Variants in ATF6 observed in about 807,000 individuals in gnomAD.
ATF6 encodes the protein activating transcription factor 6, also known as cyclic AMP-dependent transcription factor ATF-6 alpha.
ATF6 carries 53 observed loss-of-function variants against 83.6 expected under a neutral mutation model. That is an observed-to-expected ratio of 0.63 (90% CI 0.51 to 0.80). ATF6 has a LOEUF of 0.80. Among genes scored for constraint, ATF6 ranks in the 30% least tolerant of loss-of-function variants. The pLI is 0.00. For synonymous variants in ATF6, 288 were observed against 285.8 expected (o/e 1.01, Z -0.08); for missense variants, 744 against 797.9 (o/e 0.93, Z 0.81).
At chr1:161,773,533 T>C (rs1275255174) in intron 1 of ATF6, among the ~76,000 whole-genome samples, 2 of 152,188 alleles carry the variant, frequency 1.3e-5, no homozygotes, top group African/African-American at 4.8e-5. Flanking sequence ...TCCAAAGTGC[T>C]GGGATTACAG....
At chr1:161,846,979 C>T (rs758534713) in intron 10 of ATF6, among the ~76,000 whole-genome samples, 7 of 152,020 alleles carry the variant, frequency 4.6e-5, no homozygotes, top group Non-Finnish European at 8.8e-5. Flanking sequence ...AACCTATTTG[C>T]AGTCATTAGG....
intron 14 of ATF6, among the ~76,000 whole-genome samples, chr1:161,894,263 CTT>C (rs1031767904): frequency 7.1e-6 from 1 of 140,966 alleles, no homozygotes; most frequent in African/African-American, 2.6e-5. Flanking sequence ...GTTTTAAAAA[CTT>C]ATTTTGGAAT....
intron 6 of ATF6, among the ~76,000 whole-genome samples, chr1:161,798,936 G>A (rs1003622178): frequency 6.6e-5 from 10 of 152,182 alleles, no homozygotes; most frequent in Admixed American, 5.2e-4. Context: ...CTATCAAAAA[G>A]TTGAAAAATA....
At chr1:161,896,181 C>T (rs1687673936) in intron 14 of ATF6, among the ~76,000 whole-genome samples, 1 of 152,176 alleles carries the variant, frequency 6.6e-6, no homozygotes, top group Non-Finnish European at 1.5e-5. Context: ...AATCTCGGCT[C>T]ACTGCAACCT....
intron 15 of ATF6, among the ~76,000 whole-genome samples, chr1:161,929,916 G>C (rs868096802): frequency 1.2e-4 from 19 of 152,028 alleles, no homozygotes; most frequent in African/African-American, 4.6e-4. Context: ...CTCTGTAAAG[G>C]GTCAGTATGA....
intron 9 of ATF6, among the ~76,000 whole-genome samples, chr1:161,833,247 C>A (rs1354405090): frequency 1.3e-5 from 2 of 152,096 alleles, no homozygotes; most frequent in Non-Finnish European, 2.9e-5. Flanking sequence ...CACCAAAAAC[C>A]CATCTGTACG....
chr1:161,841,807 A>G (rs1361275358), intron 9 of ATF6, among the ~76,000 whole-genome samples: 1 of 152,206 alleles, frequency 6.6e-6, no homozygotes, highest in African/African-American at 2.4e-5. Context: ...TTGGAAAAAT[A>G]GTGACCACTT....
intron 14 of ATF6, among the ~76,000 whole-genome samples, chr1:161,870,066 C>G (rs747259072): frequency 6.6e-6 from 1 of 150,762 alleles, no homozygotes; most frequent in African/African-American, 2.4e-5. Context: ...TTCTTTATAT[C>G]TGGCACTTTT....
intron 15 of ATF6, among the ~76,000 whole-genome samples, chr1:161,952,633 TTTGTTGAA>T (rs1413242668): frequency 5.0e-4 from 76 of 152,046 alleles, no homozygotes. Context: ...TCACTAAATG[TTTGTTGAA>T]TAAATGAATA....
At chr1:161,786,237 G>A (rs1684746339) in intron 4 of ATF6, among the ~76,000 whole-genome samples, 1 of 152,020 alleles carries the variant, frequency 6.6e-6, no homozygotes, top group South Asian at 2.1e-4. Context: ...CACCTGCCTC[G>A]GCCCCCCAAA....
At chr1:161,795,770 C>A (rs975697514) in intron 6 of ATF6, among the ~76,000 whole-genome samples, 1 of 152,200 alleles carries the variant, frequency 6.6e-6, no homozygotes, top group Non-Finnish European at 1.5e-5. Context: ...CTATGTTCAG[C>A]TGCTATTTAA....
At chr1:161,941,703 G>A (rs1044206350) in intron 15 of ATF6, among the ~76,000 whole-genome samples, 7 of 152,130 alleles carry the variant, frequency 4.6e-5, no homozygotes, top group Admixed American at 4.6e-4. Flanking sequence ...CAAGGATTCC[G>A]GTGAGAAGTA....
rs994728530 is a variant in ATF6, at chr1:161,959,361, G to C, written c.*707G>C. On this transcript the variant is annotated 3_prime_UTR_variant, in exon 16 of 16. Coordinates refer to ENST00000367942, the MANE Select transcript of ATF6 (RefSeq NM_007348.4). ...AAGGGCCAGTGGTGGGGTTTGGAGA[G>C]AGGAGATAGCTCCATTAATACACAT... The C allele has an allele frequency of 6.6e-6, 1 of 152,222 alleles. No homozygotes were observed. Among genetic ancestry groups the C allele is most frequent in the African/African-American group, 2.4e-5 (1 of 41,438 alleles). 9.4% of individuals were successfully genotyped at this position (152,222 alleles called of 1,614,324 possible). A position where few individuals can be genotyped will look rare whatever the true frequency, so the allele number is the denominator to read the frequency against.
intron 14 of ATF6, among the ~76,000 whole-genome samples, chr1:161,885,552 C>T (rs1687402448): frequency 6.6e-6 from 1 of 151,994 alleles, no homozygotes; most frequent in Non-Finnish European, 1.5e-5. Flanking sequence ...CCAGAAGATT[C>T]CTGTTAGATT....
At position 161,885,663 on chromosome 1, in the gene ATF6, C is replaced by T. The variant is rs560711196; in HGVS notation, c.1719+22351C>T. Among the ~76,000 whole-genome samples, 12 of 152,130 alleles carry T rather than the reference C, an allele frequency of 7.9e-5. No homozygotes were observed. In the East Asian group the frequency reaches 1.3e-3, roughly 17 times the overall value. On this transcript the variant is annotated intron_variant, in intron 14 of 15. Coordinates refer to ENST00000367942, the MANE Select transcript of ATF6 (RefSeq NM_007348.4). ...TGAAAGTCCCATCTCTTTTGCTAGT[C>T]GGCTTCTGTCTGATAAAATTTTATT... is the stretch of plus-strand genomic sequence containing the variant.
chr1:161,920,278 T>TTCTC (rs1312606651), intron 15 of ATF6, among the ~76,000 whole-genome samples: 2 of 117,024 alleles, frequency 1.7e-5, no homozygotes, highest in African/African-American at 6.9e-5. Flanking sequence ...ATAGTTCTCT[T>TTCTC]TCTCTCTCTC....
intron 14 of ATF6, among the ~76,000 whole-genome samples, chr1:161,874,636 G>A (rs756717637): frequency 1.3e-5 from 2 of 151,538 alleles, no homozygotes; most frequent in Non-Finnish European, 3.0e-5. Context: ...GTCTTGGAGA[G>A]GGTCAGTGTC....
chr1:161,928,298 C>G (rs886676867), intron 15 of ATF6, among the ~76,000 whole-genome samples: 1 of 152,104 alleles, frequency 6.6e-6, no homozygotes, highest in Non-Finnish European at 1.5e-5. Context: ...TTTATGTTAC[C>G]ATAATTTCAG....
intron 4 of ATF6, among the ~76,000 whole-genome samples, chr1:161,786,006 C>T (rs1490640063): frequency 6.7e-6 from 1 of 149,008 alleles, no homozygotes; most frequent in Non-Finnish European, 1.5e-5. Context: ...AACTCTCTCT[C>T]TTGTCTACCA....
Sources: allele counts gnomAD v4.1 joint callset (sites outside exome capture counted in the v4.1 genomes callset), GRCh38; gene constraint gnomAD v4.1.1; transcripts MANE v1.5; gene names NCBI Gene and HGNC (gene_info 2026-07-23, HGNC 2026-07-21).